Variants in SLCO3A1 observed in about 807,000 individuals in gnomAD.
SLCO3A1 encodes the protein PGE1 transporter.
SLCO3A1 carries 27 observed loss-of-function variants against 63.1 expected under a neutral mutation model. The observed-to-expected ratio is 0.43, with a 90% CI of 0.32 to 0.59. The LOEUF (loss-of-function observed/expected upper bound fraction) is 0.59, where lower values mean the gene tolerates loss of function less well. Among genes scored for constraint, SLCO3A1 ranks in the 20% least tolerant of loss-of-function variants. The probability of loss-of-function intolerance (pLI) is 0.09; values close to 1 mark genes in which losing one functional copy is unlikely to be tolerated. For synonymous variants in SLCO3A1, 473 were observed against 409.9 expected (o/e 1.15, Z -1.86); for missense variants, 773 against 945.8 (o/e 0.82, Z 2.40).
At chr15:92,095,809 G>A (rs2047531704) in intron 3 of SLCO3A1, among the ~76,000 whole-genome samples, 1 of 152,112 alleles carries the variant, frequency 6.6e-6, no homozygotes, top group Non-Finnish European at 1.5e-5. Flanking sequence ...CCCAGGCCCA[G>A]GCCCACAGAA....
intron 2 of SLCO3A1, among the ~76,000 whole-genome samples, chr15:92,082,782 A>T (rs2047362474): frequency 6.6e-6 from 1 of 152,196 alleles, no homozygotes; most frequent in South Asian, 2.1e-4. Context: ...GCCTGGTAGG[A>T]ATCAGCCTTG....
At chr15:91,891,499 C>G (rs1250622219) in intron 1 of SLCO3A1, among the ~76,000 whole-genome samples, 1 of 152,146 alleles carries the variant, frequency 6.6e-6, no homozygotes, top group African/African-American at 2.4e-5. Context: ...CTCACTCTAC[C>G]CAGACCTGCT....
intron 2 of SLCO3A1, among the ~76,000 whole-genome samples, chr15:92,092,384 C>T (rs929611532): frequency 1.3e-5 from 2 of 151,850 alleles, no homozygotes; most frequent in South Asian, 2.1e-4. Context: ...GGGGAGGTGC[C>T]GGGAGTCACA....
chr15:91,974,753 G>A (rs1413825497), intron 2 of SLCO3A1, among the ~76,000 whole-genome samples: 1 of 152,226 alleles, frequency 6.6e-6, no homozygotes, highest in Non-Finnish European at 1.5e-5. Context: ...CAGGAAGGCG[G>A]AGACATTCAT....
Position 92,163,305 on chromosome 15 carries a change from C to A in SLCO3A1, c.*170C>A. 7.8e-7 allele frequency: 1 copy of A among 1,282,198 alleles called. No homozygotes were observed. Among genetic ancestry groups the A allele is most frequent in the South Asian group, 2.9e-5 (1 of 34,580 alleles). 79.4% of individuals were successfully genotyped at this position (1,282,198 alleles called of 1,614,324 possible). ...TTGTCCTTTTTCTCAGCATCAGAGC[C>A]AGACAGGATTCAGAATAAGGAGAGA... On this transcript the variant is annotated 3_prime_UTR_variant, in exon 10 of 10. Coordinates refer to ENST00000318445, the MANE Select transcript of SLCO3A1 (RefSeq NM_013272.4).
intron 2 of SLCO3A1, among the ~76,000 whole-genome samples, chr15:91,920,184 C>T (rs1898796693): frequency 6.6e-6 from 1 of 152,210 alleles, no homozygotes; most frequent in South Asian, 2.1e-4. Context: ...TACCCAAGCT[C>T]ATTTACCTGG....
Position 91,926,596 on chromosome 15 carries a change from T to TGTGTGTGG in SLCO3A1, c.646+10139_646+10140insTGTGTGGG. On this transcript the variant is annotated intron_variant, in intron 2 of 9. Transcript: ENST00000318445. Reference sequence around the variant, plus strand: ...GTGTGTGTGTGTGTGTGTGTGTGTGTGCGCGCGCGCACGCCCATGCTTATT... The same window carrying TGTGTGTGG: ...GTGTGTGTGTGTGTGTGTGTGTGTGTGTGTGTGGGCGCGCGCGCACGCCCATGCTTATT... 2.8e-4 allele frequency among the ~76,000 whole-genome samples: 30 copies of TGTGTGTGG among 105,318 alleles called. 2 individuals are homozygous for TGTGTGTGG. The highest frequency in any genetic ancestry group is 1.0e-3 in the African/African-American group (28 of 27,398). The allele number at this position is 105,318 out of a possible 152,430, so 69.1% of individuals were successfully genotyped here.
chr15:92,038,742 GAA>G (rs908866444), intron 2 of SLCO3A1, among the ~76,000 whole-genome samples: 1 of 151,946 alleles, frequency 6.6e-6, no homozygotes, highest in South Asian at 2.1e-4. Context: ...CATAGAATTC[GAA>G]AAAAACTACT....
At chr15:92,121,211 T>G (rs1949879425) in intron 5 of SLCO3A1, among the ~76,000 whole-genome samples, 1 of 152,246 alleles carries the variant, frequency 6.6e-6, no homozygotes, top group African/African-American at 2.4e-5. Context: ...AGAAGCAGTG[T>G]TGCTCAGGCA....
rs964289573 is a variant in SLCO3A1, at chr15:91,916,611, A to C, written c.646+153A>C. 3.9e-5 allele frequency among the ~76,000 whole-genome samples: 6 copies of C among 152,192 alleles called. No homozygotes were observed. Among genetic ancestry groups the C allele is most frequent in the Non-Finnish European group, 8.8e-5 (6 of 68,026 alleles). ...GAAAAATACTCATGCCTGGGGGTGC[A>C]ACCTGGGCATTGAGACGTTTTTAAA... is the stretch of plus-strand genomic sequence containing the variant. On this transcript the variant is annotated intron_variant, in intron 2 of 9. Transcript: ENST00000318445. The surrounding 1 kb of genome is among the most constrained non-coding windows in gnomAD (Gnocchi z 6.2).
intron 2 of SLCO3A1, among the ~76,000 whole-genome samples, chr15:92,078,496 C>T (rs1180336148): frequency 6.6e-6 from 1 of 152,208 alleles, no homozygotes; most frequent in African/African-American, 2.4e-5. Context: ...CCAGCCATCT[C>T]CTACACAGCC....
intron 2 of SLCO3A1, among the ~76,000 whole-genome samples, chr15:92,078,213 G>T (rs2047301969): frequency 1.3e-5 from 2 of 152,228 alleles, no homozygotes; most frequent in African/African-American, 4.8e-5. Context: ...GCTAGTGAAT[G>T]AGAGTGAGAA....
At position 91,954,410 on chromosome 15, in the gene SLCO3A1, G is replaced by C. The variant is rs1900100887; in HGVS notation, c.646+37952G>C. 6.6e-6 allele frequency among the ~76,000 whole-genome samples: 1 copy of C among 152,204 alleles called. No homozygotes were observed. The highest frequency in any genetic ancestry group is 1.5e-5 in the Non-Finnish European group (1 of 68,030). Reference sequence around the variant, plus strand: ...GACGGGCGGGTACTGCACAGAGTGAGGCAGTCAGAAGTCCTGCCCTCTGCA... The same window carrying C: ...GACGGGCGGGTACTGCACAGAGTGACGCAGTCAGAAGTCCTGCCCTCTGCA... On this transcript the variant is annotated intron_variant, in intron 2 of 9. Transcript: ENST00000318445. This position sits in a 1 kb window ranked among gnomAD's most constrained non-coding sequence, Gnocchi z 4.7.
intron 2 of SLCO3A1, among the ~76,000 whole-genome samples, chr15:92,069,842 A>G (rs1245383922): frequency 6.6e-6 from 1 of 152,242 alleles, no homozygotes; most frequent in Non-Finnish European, 1.5e-5. Context: ...CCCAGGCGAC[A>G]TAACTTCCTG....
intron 2 of SLCO3A1, among the ~76,000 whole-genome samples, chr15:92,062,177 A>G (rs1351152648): frequency 6.6e-6 from 1 of 152,188 alleles, no homozygotes; most frequent in Non-Finnish European, 1.5e-5. Context: ...TAGGACAGCA[A>G]ACACACACAC....
At chr15:92,060,433 G>A (rs1209993297) in intron 2 of SLCO3A1, among the ~76,000 whole-genome samples, 4 of 151,636 alleles carry the variant, frequency 2.6e-5, no homozygotes, top group Admixed American at 6.6e-5. Flanking sequence ...TGTGATGCAC[G>A]CCTGTAATCC....
chr15:91,924,379 C>A (rs1484378975), intron 2 of SLCO3A1, among the ~76,000 whole-genome samples: 2 of 152,120 alleles, frequency 1.3e-5, no homozygotes, highest in South Asian at 4.1e-4. Context: ...AAGCCCTTTG[C>A]GAGTCAGCAT....
chr15:91,967,247 A>G lies in SLCO3A1; in HGVS notation c.646+50789A>G, dbSNP rs1900693098. Among the ~76,000 whole-genome samples the G allele has an allele frequency of 6.6e-6, 1 of 152,270 alleles. No individual in the cohort carries two copies. Among genetic ancestry groups the G allele is most frequent in the Non-Finnish European group, 1.5e-5 (1 of 68,056 alleles). Reference sequence around the variant, plus strand: ...TGTTACATTTTTATTCATTTAAAATATTAAAATGACAATAAGAGAGGTTTT... The same window carrying G: ...TGTTACATTTTTATTCATTTAAAATGTTAAAATGACAATAAGAGAGGTTTT... On this transcript the variant is annotated intron_variant, in intron 2 of 9. Transcript: ENST00000318445. This position sits in a 1 kb window ranked among gnomAD's most constrained non-coding sequence, Gnocchi z 4.4.
intron 1 of SLCO3A1, among the ~76,000 whole-genome samples, chr15:91,906,268 C>A (rs776658235): frequency 6.6e-6 from 1 of 152,202 alleles, no homozygotes; most frequent in Non-Finnish European, 1.5e-5. Context: ...TAGGGGCTAA[C>A]TAACTATGTG....
Sources: allele counts gnomAD v4.1 joint callset (sites outside exome capture counted in the v4.1 genomes callset), GRCh38; gene constraint gnomAD v4.1.1; non-coding constraint Gnocchi (gnomAD v3.1); transcripts MANE v1.5; gene names NCBI Gene and HGNC (gene_info 2026-07-23, HGNC 2026-07-21).